The following MYO3A variants were observed in gnomAD, a reference collection of about 807,000 sequenced individuals.
MYO3A encodes myosin IIIA, also known as myosin-IIIa.
A neutral mutation model predicts 192.7 loss-of-function variants in MYO3A; 180 were observed. That is an observed-to-expected ratio of 0.93 (90% CI 0.83 to 1.06). MYO3A has a LOEUF of 1.06. Among genes scored for constraint, MYO3A ranks in the 50% least tolerant of loss-of-function variants. The probability of loss-of-function intolerance (pLI) is 0.00; values close to 1 mark genes in which losing one functional copy is unlikely to be tolerated. For missense variants in MYO3A, 1,896 were observed against 1,905.0 expected (o/e 1.00, Z 0.09); for synonymous variants, 628 against 645.3 (o/e 0.97, Z 0.41).
chr10:26,162,135 C>A (rs561468665), intron 26 of MYO3A, among the ~76,000 whole-genome samples: 1 of 152,292 alleles, frequency 6.6e-6, no homozygotes, highest in South Asian at 2.1e-4. Context: ...ATTGTTGTGT[C>A]TGAGGCACCT....
At chr10:26,176,871 C>T (rs941830470) in intron 31 of MYO3A, 26 bp downstream of exon 31, 5 of 1,610,646 alleles carry the variant, frequency 3.1e-6, no homozygotes, top group Non-Finnish European at 4.2e-6. Flanking sequence ...GTTAGAACTT[C>T]CTGAATGGGA....
At chr10:26,108,679 G>A (rs570738191) in intron 17 of MYO3A, among the ~76,000 whole-genome samples, 1 of 152,232 alleles carries the variant, frequency 6.6e-6, no homozygotes, top group Admixed American at 6.5e-5. Context: ...CTCCAAATAG[G>A]GAAATTCTGC....
intron 6 of MYO3A, 76 bp downstream of exon 6, chr10:25,997,334 GC>G (rs1240004440): frequency 1.8e-6 from 2 of 1,114,938 alleles, no homozygotes; most frequent in Admixed American, 3.5e-5. Flanking sequence ...TTTTCGAATG[GC>G]CTTCCTTTCT....
intron 17 of MYO3A, among the ~76,000 whole-genome samples, chr10:26,114,517 T>A (rs1001724871): frequency 6.6e-6 from 1 of 152,170 alleles, no homozygotes; most frequent in African/African-American, 2.4e-5. Context: ...ATCTTTTTGT[T>A]CTCATAAACT....
intron 1 of MYO3A, among the ~76,000 whole-genome samples, chr10:25,935,411 G>T (rs1306244347): frequency 6.6e-6 from 1 of 152,144 alleles, no homozygotes; most frequent in Non-Finnish European, 1.5e-5. Flanking sequence ...TACACACTAA[G>T]CGTTTTTGAA....
At chr10:26,020,654 G>T (rs1842254348) in intron 7 of MYO3A, among the ~76,000 whole-genome samples, 1 of 152,210 alleles carries the variant, frequency 6.6e-6, no homozygotes, top group Admixed American at 6.5e-5. Context: ...TGCAAAAAAT[G>T]GTTCTTAAAA....
At chr10:26,069,691 T>A (rs1033179113) in intron 12 of MYO3A, among the ~76,000 whole-genome samples, 30 of 152,022 alleles carry the variant, frequency 2.0e-4, no homozygotes, top group Non-Finnish European at 5.9e-5. Context: ...AATGAGAGAA[T>A]GTATGTTAAA....
At chr10:25,962,250 C>T (rs1043327523) in intron 4 of MYO3A, among the ~76,000 whole-genome samples, 6 of 151,910 alleles carry the variant, frequency 3.9e-5, no homozygotes, top group Admixed American at 6.6e-5. Flanking sequence ...ATTTATTTTA[C>T]CCTCATTTGT....
At chr10:26,160,264 G>A (rs1841416302) in intron 26 of MYO3A, among the ~76,000 whole-genome samples, 1 of 152,134 alleles carries the variant, frequency 6.6e-6, no homozygotes, top group Non-Finnish European at 1.5e-5. Context: ...ATCACCAGAG[G>A]CACAGACATG....
intron 23 of MYO3A, among the ~76,000 whole-genome samples, chr10:26,150,770 G>GT (rs1212987703): frequency 6.6e-6 from 1 of 151,992 alleles, no homozygotes; most frequent in South Asian, 2.1e-4. Context: ...GGTTTCATTG[G>GT]TTTTTTTATT....
At chr10:26,033,566 G>A (rs1160889591) in intron 10 of MYO3A, among the ~76,000 whole-genome samples, 1 of 152,188 alleles carries the variant, frequency 6.6e-6, no homozygotes, top group African/African-American at 2.4e-5. Context: ...GGATTGAGAT[G>A]ACATCCATGT....
At chr10:26,039,555 T>A (rs1843223428) in intron 10 of MYO3A, among the ~76,000 whole-genome samples, 1 of 152,154 alleles carries the variant, frequency 6.6e-6, no homozygotes, top group East Asian at 1.9e-4. Flanking sequence ...ACGGCTTTGA[T>A]CTCATTACTT....
At chr10:26,112,178 A>G (rs1838227571) in intron 17 of MYO3A, among the ~76,000 whole-genome samples, 1 of 152,232 alleles carries the variant, frequency 6.6e-6, no homozygotes, top group South Asian at 2.1e-4. Flanking sequence ...CCAAATTTAA[A>G]CATATTCAAT....
chr10:25,953,589 A>G (rs1183684872), intron 3 of MYO3A, among the ~76,000 whole-genome samples: 1 of 152,106 alleles, frequency 6.6e-6, no homozygotes, highest in Non-Finnish European at 1.5e-5. Context: ...TGGCAGCAAG[A>G]GAAAGAAATT....
rs1589132470 is a variant in MYO3A at position 26,212,087 on chromosome 10, G to T, written c.*124G>T. On this transcript the variant is annotated 3_prime_UTR_variant, in exon 35 of 35. Coordinates refer to ENST00000642920, the MANE Select transcript of MYO3A (RefSeq NM_017433.5). ...AGCTGCGGCCCTGATCTCCGCAGAG[G>T]CTGCCTGCTGCGCTCGGCCCTCAAG... is the stretch of plus-strand genomic sequence containing the variant. 7 of 1,368,320 alleles carry T rather than the reference G, an allele frequency of 5.1e-6. No homozygotes were observed. The highest frequency in any genetic ancestry group is 6.8e-6 in the Non-Finnish European group (7 of 1,025,490). The allele number at this position is 1,368,320 out of a possible 1,614,324, so 84.8% of individuals were successfully genotyped here. A position where few individuals can be genotyped will look rare whatever the true frequency, so the allele number is the denominator to read the frequency against.
At chr10:25,991,341 C>T (rs1840016265) in intron 4 of MYO3A, among the ~76,000 whole-genome samples, 1 of 152,142 alleles carries the variant, frequency 6.6e-6, no homozygotes, top group Admixed American at 6.5e-5. Context: ...ATATCCTTCG[C>T]CCACTTGTTG....
intron 6 of MYO3A, among the ~76,000 whole-genome samples, chr10:25,998,272 G>T (rs572249044): frequency 2.0e-5 from 3 of 152,170 alleles, no homozygotes; most frequent in Non-Finnish European, 2.9e-5. Context: ...CTAAAGCTCA[G>T]CAAGTTAATG....
chr10:26,024,147 C>T, intron 9 of MYO3A, 60 bp downstream of exon 9: 4 of 1,447,372 alleles, frequency 2.8e-6, no homozygotes, highest in Non-Finnish European at 3.9e-6. Flanking sequence ...AACTAAATCT[C>T]CTCCTATTTC....
intron 10 of MYO3A, among the ~76,000 whole-genome samples, chr10:26,031,244 G>A (rs963435785): frequency 2.6e-5 from 4 of 152,176 alleles, no homozygotes; most frequent in Non-Finnish European, 5.9e-5. Context: ...GAGAGGATGG[G>A]AGAGAGCCAG....
Sources: allele counts gnomAD v4.1 joint callset (sites outside exome capture counted in the v4.1 genomes callset), GRCh38; gene constraint gnomAD v4.1.1; transcripts MANE v1.5; gene names NCBI Gene and HGNC (gene_info 2026-07-23, HGNC 2026-07-21).